MAPRE2: variants seen among roughly 807,000 people sequenced by gnomAD.
MAPRE2 encodes the protein microtubule-associated protein RP/EB family member 2.
In MAPRE2, 13 loss-of-function variants were observed where a neutral mutation model predicts 43.2. The ratio of observed to expected loss-of-function variants is 0.30; its 90% CI spans 0.20 to 0.48. The LOEUF is 0.48. Among genes scored for constraint, MAPRE2 ranks in the 20% least tolerant of loss-of-function variants. The pLI, the probability that MAPRE2 is intolerant of heterozygous loss-of-function variation, is 0.99. For synonymous variants in MAPRE2, 135 were observed against 148.8 expected, an observed-to-expected ratio of 0.91 and a Z score of 0.68; for missense variants, 161 against 400.2, an observed-to-expected ratio of 0.40 and a Z score of 5.10.
chr18:35,085,072 T>C (rs1907807858), intron 2 of MAPRE2, among the ~76,000 whole-genome samples: 1 of 152,250 alleles, frequency 6.6e-6, no homozygotes, highest in Non-Finnish European at 1.5e-5. Flanking sequence ...ATTAGAATGA[T>C]ACAGTTGAAC....
At chr18:35,008,550 A>G (rs1349924842) in intron 2 of MAPRE2, among the ~76,000 whole-genome samples, 1 of 152,198 alleles carries the variant, frequency 6.6e-6, no homozygotes, top group African/African-American at 2.4e-5. Context: ...TTTTACTTTC[A>G]TGGGTCATCA....
chr18:35,008,218 A>G (rs2097032756), intron 2 of MAPRE2, among the ~76,000 whole-genome samples: 2 of 152,292 alleles, frequency 1.3e-5, no homozygotes, highest in Admixed American at 1.3e-4. Flanking sequence ...TTAGTGTTAA[A>G]TACTGAAGCA....
At chr18:35,022,274 C>A (rs984261827) in intron 2 of MAPRE2, among the ~76,000 whole-genome samples, 2 of 151,962 alleles carry the variant, frequency 1.3e-5, no homozygotes, top group African/African-American at 4.8e-5. Context: ...TAAGAAATAC[C>A]AGGATGCTAG....
chr18:35,125,819 T>C lies in MAPRE2; in HGVS notation c.611-1129T>C, dbSNP rs115423698. Among the ~76,000 whole-genome samples, 1,325 of 152,326 alleles carry C rather than the reference T, an allele frequency of 8.7e-3. 17 individuals carry two copies. The highest frequency in any genetic ancestry group is 0.03 in the African/African-American group (1,263 of 41,564). On this transcript the variant is annotated intron_variant, in intron 4 of 6. Coordinates refer to ENST00000300249, the MANE Select transcript of MAPRE2 (RefSeq NM_014268.4). Reference sequence around the variant, plus strand: ...TAGGCGAGGTCTTACCTGAAACCAATGGTTTTTCTTTTTTCCACTTCACAA... The same window carrying C: ...TAGGCGAGGTCTTACCTGAAACCAACGGTTTTTCTTTTTTCCACTTCACAA...
At chr18:35,015,220 G>A (rs1173881459) in intron 2 of MAPRE2, among the ~76,000 whole-genome samples, 1 of 152,096 alleles carries the variant, frequency 6.6e-6, no homozygotes, top group African/African-American at 2.4e-5. Flanking sequence ...GTCCTGGTGA[G>A]GTTGAGTACA....
intron 2 of MAPRE2, among the ~76,000 whole-genome samples, chr18:35,093,638 C>T (rs946483183): frequency 2.6e-5 from 4 of 152,076 alleles, no homozygotes; most frequent in African/African-American, 7.2e-5. Context: ...ACGTGGAGGA[C>T]GTTATGTTCG....
chr18:35,056,635 T>C (rs865977964), intron 1 of MAPRE2, among the ~76,000 whole-genome samples: 4 of 152,218 alleles, frequency 2.6e-5, no homozygotes, highest in Admixed American at 6.5e-5. Flanking sequence ...ACTCTAGAAC[T>C]ACTTCATCCA....
At chr18:35,102,467 G>A (rs1483245812) in intron 4 of MAPRE2, among the ~76,000 whole-genome samples, 1 of 152,164 alleles carries the variant, frequency 6.6e-6, no homozygotes, top group African/African-American at 2.4e-5. Flanking sequence ...GAAATTTCAA[G>A]TAGCCTGTTT....
At chr18:35,138,765 A>C (rs1910498934) in intron 6 of MAPRE2, among the ~76,000 whole-genome samples, 1 of 152,194 alleles carries the variant, frequency 6.6e-6, no homozygotes. Context: ...ACTGGGGCCC[A>C]GAGCAGTTAA....
At chr18:35,051,683 T>C (rs1480430579) in intron 1 of MAPRE2, among the ~76,000 whole-genome samples, 1 of 152,192 alleles carries the variant, frequency 6.6e-6, no homozygotes, top group African/African-American at 2.4e-5. Context: ...TGGGCAAAGC[T>C]TGGCTCTGGT....
intron 1 of MAPRE2, among the ~76,000 whole-genome samples, chr18:35,047,690 A>C (rs1905699534): frequency 6.6e-6 from 1 of 151,246 alleles, no homozygotes; most frequent in Non-Finnish European, 1.5e-5. Context: ...ATAGGCCACC[A>C]ATAAATAATT....
At chr18:35,050,964 G>C (rs1007968299) in intron 1 of MAPRE2, among the ~76,000 whole-genome samples, 1 of 152,166 alleles carries the variant, frequency 6.6e-6, no homozygotes, top group Non-Finnish European at 1.5e-5. Flanking sequence ...TCAGTATAGG[G>C]ACCTGCTCAC....
At chr18:35,110,265 A>G (rs917226190) in intron 4 of MAPRE2, among the ~76,000 whole-genome samples, 1 of 152,186 alleles carries the variant, frequency 6.6e-6, no homozygotes, top group African/African-American at 2.4e-5. Context: ...TGTGTATAAA[A>G]TGCGTGCTGA....
chr18:34,984,451 CA>C (rs2097017961), intron 1 of MAPRE2: 1 of 133,310 alleles, frequency 7.5e-6, no homozygotes, highest in Non-Finnish European at 1.7e-5. Context: ...TTCACCAAAT[CA>C]AAAAACACAT....
intron 4 of MAPRE2, among the ~76,000 whole-genome samples, chr18:35,122,701 C>G (rs577505353): frequency 2.0e-5 from 3 of 152,112 alleles, no homozygotes; most frequent in Admixed American, 2.0e-4. Flanking sequence ...CAGAGGTTGC[C>G]GAGCCTGATT....
intron 5 of MAPRE2, among the ~76,000 whole-genome samples, chr18:35,128,906 C>T (rs1210280014): frequency 1.3e-5 from 2 of 152,158 alleles, no homozygotes; most frequent in African/African-American, 4.8e-5. Context: ...ACTTCCCCTC[C>T]TTGGGGCTGG....
At chr18:35,067,606 A>G (rs2150620955) in intron 1 of MAPRE2, among the ~76,000 whole-genome samples, 1 of 152,066 alleles carries the variant, frequency 6.6e-6, no homozygotes, top group East Asian at 1.9e-4. Flanking sequence ...TTTCATCTCA[A>G]TTTGGTTTGG....
intron 4 of MAPRE2, among the ~76,000 whole-genome samples, chr18:35,125,409 C>T (rs1299355379): frequency 1.3e-5 from 2 of 152,242 alleles, no homozygotes; most frequent in Non-Finnish European, 2.9e-5. Context: ...GTTTTATTTA[C>T]TTGTTTATAT....
chr18:34,998,592 G>C (rs997639509), intron 1 of MAPRE2, among the ~76,000 whole-genome samples: 2 of 151,778 alleles, frequency 1.3e-5, no homozygotes, highest in African/African-American at 4.8e-5. Context: ...CTCCCAAAGT[G>C]CTGGGATTAC....
Sources: allele counts gnomAD v4.1 joint callset (sites outside exome capture counted in the v4.1 genomes callset), GRCh38; gene constraint gnomAD v4.1.1; transcripts MANE v1.5; gene names NCBI Gene and HGNC (gene_info 2026-07-23, HGNC 2026-07-21).